Variants in DNAJC13 observed in about 807,000 individuals in gnomAD.
The protein encoded by DNAJC13 is DnaJ heat shock protein family (Hsp40) member C13, also known as dnaJ homolog subfamily C member 13.
Under a neutral mutation model 290.5 loss-of-function variants are expected in DNAJC13, and 75 were observed. The ratio of observed to expected loss-of-function variants is 0.26; its 90% confidence interval spans 0.21 to 0.31. The LOEUF (loss-of-function observed/expected upper bound fraction) is 0.31. Among genes scored for constraint, DNAJC13 ranks in the 10% least tolerant of loss-of-function variants. The pLI is 1.00. For missense variants in DNAJC13, 2,260 were observed against 2,674.5 expected (o/e 0.85, Z 3.42); for synonymous variants, 862 against 892.0 (o/e 0.97, Z 0.60).
At chr3:132,490,724 T>C (rs1476523783) in intron 31 of DNAJC13, among the ~76,000 whole-genome samples, 173 bp from the exon 32 acceptor site, 1 of 152,198 alleles carries the variant, frequency 6.6e-6, no homozygotes, top group Non-Finnish European at 1.5e-5. Flanking sequence ...TTGTACCAGA[T>C]ACCTTCCAGT....
chr3:132,463,836 T>C lies in DNAJC13; in HGVS notation c.1892+19T>C, dbSNP rs1933890320. On this transcript the variant is annotated intron_variant, in intron 17 of 55. Transcript: ENST00000260818. Reference sequence around the variant, plus strand: ...CAAATAGGTAGGTGATTTAATTCAATTTGCTGCAATTTAACTTCCTGTCTA... The same window carrying C: ...CAAATAGGTAGGTGATTTAATTCAACTTGCTGCAATTTAACTTCCTGTCTA... The C allele has an allele frequency of 1.9e-6, 3 of 1,597,942 alleles. No individual in the cohort carries two copies. Among genetic ancestry groups the C allele is most frequent in the Admixed American group, 3.5e-5 (2 of 57,688 alleles).
Position 132,481,369 on chromosome 3 carries a change from C to G in DNAJC13, c.2875-857C>G, listed in dbSNP as rs569974802. On this transcript the variant is annotated intron_variant, in intron 26 of 55. Transcript: ENST00000260818. ...TTGGGGGGCTGAGGCGGGAGGATCA[C>G]TTGAACTCAGGAGTTCAAGACCAGC... 2.0e-5 allele frequency among the ~76,000 whole-genome samples: 3 copies of G among 152,288 alleles called. No individual in the cohort carries two copies. In the East Asian group the frequency reaches 5.8e-4, roughly 29 times the overall value.
intron 55 of DNAJC13, chr3:132,537,241 A>G: frequency 2.2e-6 from 1 of 456,296 alleles, no homozygotes; most frequent in Non-Finnish European, 4.4e-6. Context: ...GCAGCTTGCT[A>G]ACTTCTGTGT....
Position 132,523,597 on chromosome 3 carries a change from G to A in DNAJC13, c.5944G>A (p.Gly1982Arg). Reference sequence around the variant, plus strand: ...AGCAGAGGGTGAACTTGCTGTTGGAGGAGTCTTCTTGAGGATCTTTATTGC... The same window carrying A: ...AGCAGAGGGTGAACTTGCTGTTGGAAGAGTCTTCTTGAGGATCTTTATTGC... ...GEAEGELAVG[G>R]VFLRIFIAQP... Residue 1982 changes from glycine (G) to arginine (R), a missense_variant, in exon 51 of 56, where the codon GGA becomes AGA. This residue lies in a region of DNAJC13 where 1,494 missense variants were observed against 1,693.7 expected (regional missense o/e 0.88). Transcript: ENST00000260818. 1 of 1,614,092 alleles carries A rather than the reference G, an allele frequency of 6.2e-7. No individual in the cohort carries two copies. Among genetic ancestry groups the A allele is most frequent in the Non-Finnish European group, 8.5e-7 (1 of 1,179,996 alleles).
intron 54 of DNAJC13, among the ~76,000 whole-genome samples, chr3:132,530,631 C>A (rs1476996450): frequency 1.3e-5 from 2 of 152,218 alleles, no homozygotes; most frequent in African/African-American, 4.8e-5. Context: ...ACCTTCTCCC[C>A]AAACTCCTTC....
chr3:132,469,998 A>ATTTTTTTT (rs1934141537), intron 20 of DNAJC13, among the ~76,000 whole-genome samples: 2 of 52,214 alleles, frequency 3.8e-5, no homozygotes, highest in Non-Finnish European at 7.6e-5. Context: ...TTTTTAATTT[A>ATTTTTTTT]TTTTTTTATT....
chr3:132,478,980 T>A (rs1934567220), intron 24 of DNAJC13, among the ~76,000 whole-genome samples: 1 of 152,214 alleles, frequency 6.6e-6, no homozygotes, highest in South Asian at 2.1e-4. Context: ...TCCTTAAAGC[T>A]ATATATTAAT....
Position 132,460,355 on chromosome 3 carries a change from G to A in DNAJC13, c.1555G>A (p.Val519Met), listed in dbSNP as rs1261617130. The change falls in exon 14 of 56, where the codon GTG (valine) becomes ATG (methionine). Residue 519 changes from valine (V) to methionine (M), a missense_variant and splice_region_variant. This residue lies in a region of DNAJC13 where 762 missense variants were observed against 964.1 expected (regional missense o/e 0.79). Transcript: ENST00000260818. ...CTTACTGGAGAAATTTAATTCCCATGTGGTAAGTTATAATTAAATTTGTCT... is the reference window on the plus strand; with the variant it reads ...CTTACTGGAGAAATTTAATTCCCATATGGTAAGTTATAATTAAATTTGTCT... ...ENLLEKFNSH[V>M]DHGTGALVIS... The A allele has an allele frequency of 1.3e-6, 2 of 1,589,732 alleles. No individual in the cohort carries two copies. The highest frequency in any genetic ancestry group is 1.7e-6 in the Non-Finnish European group (2 of 1,159,214).
chr3:132,466,515 C>A, intron 19 of DNAJC13, 121 bp downstream of exon 19: 2 of 663,886 alleles, frequency 3.0e-6, no homozygotes, highest in Non-Finnish European at 4.6e-6. Context: ...GAATAGTATA[C>A]TTAACTATTG....
intron 55 of DNAJC13, among the ~76,000 whole-genome samples, chr3:132,537,784 T>C (rs575014955): frequency 6.6e-6 from 1 of 152,368 alleles, no homozygotes; most frequent in Admixed American, 6.5e-5. Context: ...TTATGTTGAA[T>C]TTTGTCACAT....
chr3:132,435,204 G>T (rs1939355589), intron 2 of DNAJC13, among the ~76,000 whole-genome samples: 2 of 152,194 alleles, frequency 1.3e-5, no homozygotes, highest in Admixed American at 1.3e-4. Flanking sequence ...AGGATTAAAT[G>T]AAGTGATATG....
chr3:132,482,015 G>A (rs1934692587), intron 26 of DNAJC13, among the ~76,000 whole-genome samples: 1 of 152,252 alleles, frequency 6.6e-6, no homozygotes, highest in African/African-American at 2.4e-5. Flanking sequence ...TACTTCAAAT[G>A]TATATTAATA....
chr3:132,516,907 T>C (rs1454023763), intron 48 of DNAJC13, 91 bp downstream of exon 48: 8 of 1,094,648 alleles, frequency 7.3e-6, no homozygotes, highest in Admixed American at 2.3e-5. Flanking sequence ...AAATCTGAGA[T>C]GGTGAGGATA....
At chr3:132,422,494 A>T (rs1280149596) in intron 1 of DNAJC13, among the ~76,000 whole-genome samples, 1 of 152,220 alleles carries the variant, frequency 6.6e-6, no homozygotes, top group Non-Finnish European at 1.5e-5. Context: ...ACTTTAGTTC[A>T]AAATTTTAAT....
intron 41 of DNAJC13, 118 bp from the exon 42 acceptor site, chr3:132,505,184 G>A: frequency 3.3e-6 from 2 of 611,182 alleles, no homozygotes; most frequent in East Asian, 3.0e-5. Context: ...TATTATTGAG[G>A]TCCATTATAC....
intron 1 of DNAJC13, among the ~76,000 whole-genome samples, chr3:132,424,680 T>A (rs955011235): frequency 4.6e-5 from 7 of 152,286 alleles, no homozygotes; most frequent in Non-Finnish European, 7.4e-5. Flanking sequence ...GATATGATTA[T>A]CAGATGAAAT....
At chr3:132,533,565 A>ACCTCAAATGATCCACCCG (rs1222927915) in intron 55 of DNAJC13, among the ~76,000 whole-genome samples, 5 of 150,094 alleles carry the variant, frequency 3.3e-5, no homozygotes, top group East Asian at 1.9e-4. Flanking sequence ...CGGACTCCTG[A>ACCTCAAATGATCCACCCG]CCTCAAATGA....
rs376852099 is a variant in DNAJC13 at position 132,480,344 on chromosome 3, C to T, written c.2773-25C>T. ...TAGGTTATGAAAAATGTTTAGATTA[C>T]GAAAAAAATGTTTTCCTCTTCCAGA... On this transcript the variant is annotated intron_variant, in intron 25 of 55. Coordinates refer to ENST00000260818, the MANE Select transcript of DNAJC13 (RefSeq NM_015268.4). The T allele has an allele frequency of 7.6e-4, 1,175 of 1,548,426 alleles. 11 individuals are homozygous for T. In the South Asian group the frequency reaches 8.0e-3, roughly 11 times the overall value.
At chr3:132,493,151 G>A (rs980727598) in intron 33 of DNAJC13, among the ~76,000 whole-genome samples, 24 of 151,512 alleles carry the variant, frequency 1.6e-4, no homozygotes, top group African/African-American at 4.4e-4. Context: ...CCTGGCACGC[G>A]TAAGAGGCAA....
Sources: allele counts gnomAD v4.1 joint callset (sites outside exome capture counted in the v4.1 genomes callset), GRCh38; gene constraint gnomAD v4.1.1; regional missense constraint gnomAD v4.1.1; transcripts MANE v1.5; gene names NCBI Gene and HGNC (gene_info 2026-07-23, HGNC 2026-07-21).